FAM83G: variants seen among roughly 807,000 people sequenced by gnomAD.
FAM83G encodes scaffolding CK1 anchoring protein G.
A neutral mutation model predicts 61.5 loss-of-function variants in FAM83G; 38 were observed. That is an observed-to-expected ratio of 0.62 (90% CI 0.48 to 0.81). The LOEUF (loss-of-function observed/expected upper bound fraction) is 0.81, where lower values mean the gene tolerates loss of function less well. Ranked by LOEUF, FAM83G falls within the 30% of genes least tolerant of loss-of-function variation. The probability of loss-of-function intolerance (pLI) is 0.00; values close to 1 mark genes in which losing one functional copy is unlikely to be tolerated. For missense variants in FAM83G, 989 were observed against 1,133.6 expected, an observed-to-expected ratio of 0.87 and a Z score of 1.83; for synonymous variants, 470 against 476.1, an observed-to-expected ratio of 0.99 and a Z score of 0.17.
Position 19,004,113 on chromosome 17 carries a change from G to A in FAM83G, c.-72C>T, listed in dbSNP as rs988269497. 19 of 1,463,698 alleles carry A rather than the reference G, an allele frequency of 1.3e-5. No individual in the cohort carries two copies. Among genetic ancestry groups the A allele is most frequent in the African/African-American group, 1.1e-4 (8 of 70,426 alleles). 90.7% of individuals were successfully genotyped at this position (1,463,698 alleles called of 1,614,324 possible). A position where few individuals can be genotyped will look rare whatever the true frequency, so the allele number is the denominator to read the frequency against. ...CCAGCTCCTAGCTCCGGCCCAGCTG[G>A]GGCACCGCGCGCTCGGGGGCCTCTC... On this transcript the variant is annotated 5_prime_UTR_variant, in exon 2 of 6. Coordinates refer to ENST00000388995, the MANE Select transcript of FAM83G (RefSeq NM_001039999.3). The surrounding 1 kb of genome is among the most constrained non-coding windows in gnomAD (Gnocchi z 5.4).
intron 5 of FAM83G, among the ~76,000 whole-genome samples, chr17:18,972,818 G>A (rs1268652454): frequency 3.3e-5 from 5 of 151,346 alleles, no homozygotes; most frequent in African/African-American, 9.7e-5. Context: ...GCAGTGAGCC[G>A]AGATTGTGCC....
At chr17:18,991,807 T>C (rs2043433517) in intron 2 of FAM83G, among the ~76,000 whole-genome samples, 1 of 152,200 alleles carries the variant, frequency 6.6e-6, no homozygotes, top group Non-Finnish European at 1.5e-5. Flanking sequence ...GTGGTCCCTG[T>C]GCATCTTACT....
At chr17:18,977,321 G>T in intron 5 of FAM83G, 1 of 579,972 alleles carries the variant, frequency 1.7e-6, no homozygotes, top group Non-Finnish European at 3.0e-6. Flanking sequence ...AGGCTTTGGA[G>T]ACCTCTAGGT....
intron 2 of FAM83G, among the ~76,000 whole-genome samples, chr17:18,997,854 T>C (rs73981278): frequency 0.069 from 10,480 of 151,968 alleles, 654 homozygotes; most frequent in South Asian, 0.31. Flanking sequence ...GCCAGCTCCA[T>C]GCCAGACACA....
intron 3 of FAM83G, among the ~76,000 whole-genome samples, chr17:18,986,617 C>A (rs955672859): frequency 6.6e-6 from 1 of 152,256 alleles, no homozygotes; most frequent in Non-Finnish European, 1.5e-5. Flanking sequence ...ACTCTGCAAG[C>A]AGCGGAGCAG....
At chr17:18,998,073 C>A (rs1381211150) in intron 2 of FAM83G, among the ~76,000 whole-genome samples, 1 of 152,240 alleles carries the variant, frequency 6.6e-6, no homozygotes, top group African/African-American at 2.4e-5. Context: ...CTTCCCACCA[C>A]CCCACATGGC....
intron 3 of FAM83G, among the ~76,000 whole-genome samples, chr17:18,987,326 C>A (rs2043295214): frequency 6.6e-6 from 1 of 152,226 alleles, no homozygotes; most frequent in South Asian, 2.1e-4. Flanking sequence ...AACTCCCTAT[C>A]CCACTAGGCT....
chr17:18,992,945 C>T (rs1251051940), intron 2 of FAM83G, among the ~76,000 whole-genome samples: 1 of 152,186 alleles, frequency 6.6e-6, no homozygotes, highest in Non-Finnish European at 1.5e-5. Context: ...CTCCTGACAC[C>T]CACAACAGCT....
chr17:18,996,051 A>C lies in FAM83G; in HGVS notation c.522+7469T>G, dbSNP rs982323713. 1.3e-5 allele frequency among the ~76,000 whole-genome samples: 2 copies of C among 152,072 alleles called. No homozygotes were observed. Among genetic ancestry groups the C allele is most frequent in the African/African-American group, 4.8e-5 (2 of 41,408 alleles). The stretch of plus-strand genomic sequence containing the variant: ...CAACCAGAAGAGAAAAGACAACTGC[A>C]TGTCAAGGAACAAAGTAAGTGGACT... On this transcript the variant is annotated intron_variant, in intron 2 of 5. Coordinates refer to ENST00000388995, the MANE Select transcript of FAM83G (RefSeq NM_001039999.3). The surrounding 1 kb of genome is among the most constrained non-coding windows in gnomAD (Gnocchi z 4.4).
rs1342456616 is a variant in FAM83G, at chr17:19,003,150, C to A, written c.522+370G>T. On this transcript the variant is annotated intron_variant, in intron 2 of 5. Transcript: ENST00000388995. This position sits in a 1 kb window ranked among gnomAD's most constrained non-coding sequence, Gnocchi z 4.5. ...CCAGAGAGCTCATGGTGTGTGCGCG[C>A]CTTTACAGTGAATCAGAGCCACTCT... Among the ~76,000 whole-genome samples, 1 of 151,562 alleles carries A rather than the reference C, an allele frequency of 6.6e-6. No individual in the cohort carries two copies. Among genetic ancestry groups the A allele is most frequent in the Non-Finnish European group, 1.5e-5 (1 of 67,890 alleles).
chr17:18,970,568 AGC>A lies in FAM83G; in HGVS notation c.*789_*790del. The A allele has an allele frequency of 5.3e-6, 1 of 188,098 alleles. No individual in the cohort carries two copies. The highest frequency in any genetic ancestry group is 1.1e-4 in the South Asian group (1 of 9,094). 11.7% of individuals were successfully genotyped at this position (188,098 alleles called of 1,614,324 possible). On this transcript the variant is annotated 3_prime_UTR_variant, in exon 6 of 6. Transcript: ENST00000388995. ...GGCCACATCACCACCAGCCACTCTC[AGC>A]TCTGCTAAAATCACACCCTTCAGGT... is the stretch of plus-strand genomic sequence containing the variant.
rs2043693441 is a variant in FAM83G at position 19,000,167 on chromosome 17, C to T, written c.522+3353G>A. ...CCCAGATAAATCATGGCTCCTGGGG[C>T]TAGGGGAGGGGCAGGCAGTTGACCT... On this transcript the variant is annotated intron_variant, in intron 2 of 5. Coordinates refer to ENST00000388995, the MANE Select transcript of FAM83G (RefSeq NM_001039999.3). This position sits in a 1 kb window ranked among gnomAD's most constrained non-coding sequence, Gnocchi z 5.2. 6.6e-6 allele frequency among the ~76,000 whole-genome samples: 1 copy of T among 152,164 alleles called. No individual in the cohort carries two copies. Among genetic ancestry groups the T allele is most frequent in the Non-Finnish European group, 1.5e-5 (1 of 68,006 alleles).
At position 18,971,774 on chromosome 17, in the gene FAM83G, G is replaced by A. The variant is rs1351750244; in HGVS notation, c.2083-26C>T. 1 of 1,532,010 alleles carries A rather than the reference G, an allele frequency of 6.5e-7. No homozygotes were observed. Among genetic ancestry groups the A allele is most frequent in the East Asian group, 2.3e-5 (1 of 44,086 alleles). 94.9% of individuals were successfully genotyped at this position (1,532,010 alleles called of 1,614,324 possible). ...CTGGGAGAGAGAGAGCAGAGAGTGA[G>A]GCTGAGCAAGAAGGGCCAACCCCGC... is the stretch of plus-strand genomic sequence containing the variant. On this transcript the variant is annotated intron_variant, in intron 5 of 5. Coordinates refer to ENST00000388995, the MANE Select transcript of FAM83G (RefSeq NM_001039999.3). This position sits in a 1 kb window ranked among gnomAD's most constrained non-coding sequence, Gnocchi z 5.5.
chr17:19,000,504 G>C lies in FAM83G; in HGVS notation c.522+3016C>G, dbSNP rs917453627. ...ATTCTAGTCATTTGGGAACAGGGGGGACTGACAGCAGTCCTGACAGGAACA... is the reference window on the plus strand; with the variant it reads ...ATTCTAGTCATTTGGGAACAGGGGGCACTGACAGCAGTCCTGACAGGAACA... On this transcript the variant is annotated intron_variant, in intron 2 of 5. Coordinates refer to ENST00000388995, the MANE Select transcript of FAM83G (RefSeq NM_001039999.3). The surrounding 1 kb of genome is among the most constrained non-coding windows in gnomAD (Gnocchi z 5.2). 2.0e-5 allele frequency among the ~76,000 whole-genome samples: 3 copies of C among 152,172 alleles called. No individual in the cohort carries two copies. Among genetic ancestry groups the C allele is most frequent in the South Asian group, 2.1e-4 (1 of 4,830 alleles).
chr17:18,993,207 A>C (rs143152501), intron 2 of FAM83G, among the ~76,000 whole-genome samples: 1 of 151,936 alleles, frequency 6.6e-6, no homozygotes, highest in Non-Finnish European at 1.5e-5. Context: ...CCTCTCCCCG[A>C]CGCGTCCTGC....
In FAM83G at chr17:18,968,920, G is replaced by A. The variant is rs2042766944; in HGVS notation, c.*2439C>T. On this transcript the variant is annotated 3_prime_UTR_variant, in exon 6 of 6. Coordinates refer to ENST00000388995, the MANE Select transcript of FAM83G (RefSeq NM_001039999.3). This position sits in a 1 kb window ranked among gnomAD's most constrained non-coding sequence, Gnocchi z 4.1. ...ATGGCCCCGTGATGCAGGCAGGCAG[G>A]CGAGTGGGGGTCTCCCCTCCTTATC... The A allele has an allele frequency of 1.4e-6, 1 of 740,176 alleles. No homozygotes were observed. Among genetic ancestry groups the A allele is most frequent in the Non-Finnish European group, 2.2e-6 (1 of 465,038 alleles). The allele number at this position is 740,176 out of a possible 1,614,324, so 45.9% of individuals were successfully genotyped here.
chr17:18,969,451 G>T lies in FAM83G; in HGVS notation c.*1908C>A. On this transcript the variant is annotated 3_prime_UTR_variant, in exon 6 of 6. Coordinates refer to ENST00000388995, the MANE Select transcript of FAM83G (RefSeq NM_001039999.3). ...AGGACAGAGTCTGTGGCCATGGCGG[G>T]GCTGTCCCCACAGCGAGCCCTTTGG... is the stretch of plus-strand genomic sequence containing the variant. 1 of 1,602,682 alleles carries T rather than the reference G, an allele frequency of 6.2e-7. No homozygotes were observed. The highest frequency in any genetic ancestry group is 8.5e-7 in the Non-Finnish European group (1 of 1,170,640).
intron 3 of FAM83G, 128 bp from the exon 4 acceptor site, chr17:18,979,801 T>A: frequency 1.9e-6 from 2 of 1,067,680 alleles, no homozygotes; most frequent in African/African-American, 1.6e-5. Flanking sequence ...AAAGAGGCTG[T>A]AAGGCCTGGA....
At chr17:18,992,679 C>T (rs2043458881) in intron 2 of FAM83G, among the ~76,000 whole-genome samples, 1 of 152,216 alleles carries the variant, frequency 6.6e-6, no homozygotes, top group Non-Finnish European at 1.5e-5. Context: ...TTTGGGTGAG[C>T]CACACCTGCG....
Sources: gnomAD v4.1 joint callset for allele counts (sites outside exome capture counted in the v4.1 genomes callset) on GRCh38, gnomAD v4.1.1 for gene constraint, Gnocchi (gnomAD v3.1) non-coding constraint, MANE v1.5 for transcripts, NCBI Gene and HGNC (gene_info 2026-07-23, HGNC 2026-07-21) for gene names.